CWF19L2: variants seen among roughly 807,000 people sequenced by gnomAD.
CWF19L2 encodes the protein CWF19 like cell cycle control factor 2.
A neutral mutation model predicts 111.7 loss-of-function variants in CWF19L2; 98 were observed. The observed-to-expected ratio is 0.88, with a 90% confidence interval of 0.75 to 1.04. The LOEUF (loss-of-function observed/expected upper bound fraction) is 1.04. Among genes scored for constraint, CWF19L2 ranks in the 50% least tolerant of loss-of-function variants. CWF19L2 has a pLI of 0.00. For synonymous variants in CWF19L2, 351 were observed against 342.9 expected (o/e 1.02, Z -0.26); for missense variants, 1,101 against 1,051.4 (o/e 1.05, Z -0.65).
chr11:107,361,142 T>C (rs367676566), intron 12 of CWF19L2, among the ~76,000 whole-genome samples: 5 of 152,314 alleles, frequency 3.3e-5, no homozygotes, highest in East Asian at 3.9e-4. Context: ...TTCAGAGATA[T>C]GGGTCCAGTT....
intron 8 of CWF19L2, among the ~76,000 whole-genome samples, chr11:107,427,108 T>G (rs1169786092): frequency 1.3e-5 from 2 of 152,092 alleles, no homozygotes; most frequent in African/African-American, 4.8e-5. Context: ...CTAATTCAAC[T>G]AATTTTTCCA....
chr11:107,349,122 C>T, intron 13 of CWF19L2, 69 bp from the exon 14 acceptor site: 1 of 693,118 alleles, frequency 1.4e-6, no homozygotes, highest in Non-Finnish European at 2.3e-6. Flanking sequence ...TATGTTAATG[C>T]TATTTATTCT....
At position 107,403,436 on chromosome 11, in the gene CWF19L2, G is replaced by C. The variant is rs112587277; in HGVS notation, c.1618-10541C>G. 3 of 771,672 alleles carry C rather than the reference G, an allele frequency of 3.9e-6. No homozygotes were observed. The East Asian group carries it at 7.6e-5, about 19-fold the overall frequency. 47.8% of individuals were successfully genotyped at this position (771,672 alleles called of 1,614,324 possible). On this transcript the variant is annotated intron_variant, in intron 10 of 17. Transcript: ENST00000282251. ...CTCATCTTCTGGTAGGGGATCTGTCGGTGGCTCTTCCACTGTTGTGCTGTT... is the reference window on the plus strand; with the variant it reads ...CTCATCTTCTGGTAGGGGATCTGTCCGTGGCTCTTCCACTGTTGTGCTGTT...
intron 9 of CWF19L2, among the ~76,000 whole-genome samples, chr11:107,417,821 G>A (rs192376995): frequency 4.6e-5 from 7 of 151,494 alleles, no homozygotes; most frequent in Admixed American, 1.3e-4. Flanking sequence ...CTGCAATGGC[G>A]TGATCTTGGC....
At chr11:107,346,516 A>G (rs185570105) in intron 14 of CWF19L2, among the ~76,000 whole-genome samples, 1 of 152,330 alleles carries the variant, frequency 6.6e-6, no homozygotes, top group African/African-American at 2.4e-5. Context: ...AACCCATGCT[A>G]CACTGCAGAA....
rs142332850 is a variant in CWF19L2 at position 107,457,560 on chromosome 11, A to G, written c.105+152T>C. Among the ~76,000 whole-genome samples, 719 of 152,298 alleles carry G rather than the reference A, an allele frequency of 4.7e-3. 3 individuals are homozygous for G. Among genetic ancestry groups the G allele is most frequent in the Non-Finnish European group, 7.3e-3 (496 of 68,014 alleles). On this transcript the variant is annotated intron_variant, in intron 1 of 17. Transcript: ENST00000282251. The stretch of plus-strand genomic sequence containing the variant: ...ACATCTAAAAAATCGGTAGCTACAA[A>G]AGGGTTTACCGGCATTGCAAAGGGA...
chr11:107,345,927 T>C (rs1012484064), intron 14 of CWF19L2, among the ~76,000 whole-genome samples: 1 of 152,146 alleles, frequency 6.6e-6, no homozygotes, highest in Non-Finnish European at 1.5e-5. Flanking sequence ...GACATGAAAT[T>C]CCCATATTCC....
At chr11:107,330,504 G>T (rs1042660544) in intron 16 of CWF19L2, among the ~76,000 whole-genome samples, 3 of 151,914 alleles carry the variant, frequency 2.0e-5, no homozygotes, top group Non-Finnish European at 4.4e-5. Context: ...ACGAGCTGGT[G>T]AAGTGGATAC....
chr11:107,409,321 GT>G (rs1260013310), intron 10 of CWF19L2, among the ~76,000 whole-genome samples: 1 of 151,954 alleles, frequency 6.6e-6, no homozygotes. Context: ...ATTTATTAAT[GT>G]TTCTCTATGG....
chr11:107,450,598 TAAA>T (rs1861764897), intron 3 of CWF19L2, among the ~76,000 whole-genome samples: 1 of 151,600 alleles, frequency 6.6e-6, no homozygotes, highest in Non-Finnish European at 1.5e-5. Context: ...ATAGGCGAGA[TAAA>T]AAAGCAAGAC....
intron 10 of CWF19L2, among the ~76,000 whole-genome samples, chr11:107,399,434 GACAAA>G (rs1565268552): frequency 6.6e-6 from 1 of 152,112 alleles, no homozygotes; most frequent in Admixed American, 6.5e-5. Context: ...TCTTATATCA[GACAAA>G]ACAAACTTTA....
rs118073231 is a variant in CWF19L2 at position 107,387,008 on chromosome 11, T to C, written c.1872+3066A>G. Among the ~76,000 whole-genome samples, 344 of 151,186 alleles carry C rather than the reference T, an allele frequency of 2.3e-3. 13 individuals are homozygous for C. The East Asian group carries it at 0.06, about 26-fold the overall frequency. On this transcript the variant is annotated intron_variant, in intron 12 of 17. Coordinates refer to ENST00000282251, the MANE Select transcript of CWF19L2 (RefSeq NM_152434.3). ...GGCGGAGGTTGCAATGAGTTGGGATTGAGCCACTGCACTCCAGCCTGGTGA... is the reference window on the plus strand; with the variant it reads ...GGCGGAGGTTGCAATGAGTTGGGATCGAGCCACTGCACTCCAGCCTGGTGA...
At chr11:107,406,172 A>G (rs1861074657) in intron 10 of CWF19L2, among the ~76,000 whole-genome samples, 1 of 152,186 alleles carries the variant, frequency 6.6e-6, no homozygotes, top group Non-Finnish European at 1.5e-5. Context: ...AAAAAGTGTA[A>G]ATGTTTGAAA....
At chr11:107,418,967 C>T (rs1861266510) in intron 8 of CWF19L2, among the ~76,000 whole-genome samples, 1 of 152,172 alleles carries the variant, frequency 6.6e-6, no homozygotes, top group African/African-American at 2.4e-5. Context: ...GAGACATAGC[C>T]AGGAGTCCAA....
At chr11:107,416,718 T>C (rs2135398430) in intron 9 of CWF19L2, among the ~76,000 whole-genome samples, 1 of 152,342 alleles carries the variant, frequency 6.6e-6, no homozygotes, top group African/African-American at 2.4e-5. Context: ...TATTTCATTT[T>C]TACTCTAGGA....
At chr11:107,447,457 C>T (rs1465060152) in intron 3 of CWF19L2, among the ~76,000 whole-genome samples, 1 of 152,140 alleles carries the variant, frequency 6.6e-6, no homozygotes, top group East Asian at 1.9e-4. Context: ...GAACAATCCC[C>T]AGAGCTCACA....
intron 8 of CWF19L2, among the ~76,000 whole-genome samples, chr11:107,425,741 C>A (rs1861367182): frequency 6.6e-6 from 1 of 151,920 alleles, no homozygotes; most frequent in Non-Finnish European, 1.5e-5. Flanking sequence ...GCATCCTTTG[C>A]TTGCCCTTCT....
intron 1 of CWF19L2, among the ~76,000 whole-genome samples, chr11:107,456,337 C>T (rs1038345323): frequency 5.9e-5 from 9 of 152,164 alleles, no homozygotes; most frequent in African/African-American, 1.9e-4. Flanking sequence ...CTCCAAAGCT[C>T]AGTTTGGTCC....
rs528478608 is a variant in CWF19L2 at position 107,442,856 on chromosome 11, G to A, written c.450+83C>T. 6.8e-4 allele frequency: 459 copies of A among 671,170 alleles called. 7 individuals are homozygous for A. The highest frequency in any genetic ancestry group is 1.4e-3 in the Middle Eastern group (5 of 3,466). The allele number at this position is 671,170 out of a possible 1,614,324, so 41.6% of individuals were successfully genotyped here. A position where few individuals can be genotyped will look rare whatever the true frequency, so the allele number is the denominator to read the frequency against. Reference sequence around the variant, plus strand: ...AGAGAGGGACAGAGAGGGAGGGAGGGATAGAGAGGGAAGGAGGGAGGGAGG... The same window carrying A: ...AGAGAGGGACAGAGAGGGAGGGAGGAATAGAGAGGGAAGGAGGGAGGGAGG... On this transcript the variant is annotated intron_variant, in intron 4 of 17. Transcript: ENST00000282251.
Sources: allele counts gnomAD v4.1 joint callset (sites outside exome capture counted in the v4.1 genomes callset), GRCh38; gene constraint gnomAD v4.1.1; transcripts MANE v1.5; gene names NCBI Gene and HGNC (gene_info 2026-07-23, HGNC 2026-07-21).